The following ZNF732 variants were observed in gnomAD, a reference collection of about 807,000 sequenced individuals.
ZNF732 encodes zinc finger protein LOC654254.
A neutral mutation model predicts 11.5 loss-of-function variants in ZNF732; 12 were observed. The ratio of observed to expected loss-of-function variants is 1.05; its 90% CI spans 0.67 to 1.70. ZNF732 has a LOEUF of 1.70. Ranked by LOEUF, ZNF732 falls within the 40% of genes most tolerant of loss-of-function variation. ZNF732 has a pLI of 0.00. For synonymous variants in ZNF732, 231 were observed against 236.5 expected (o/e 0.98, Z 0.21); for missense variants, 702 against 676.9 (o/e 1.04, Z -0.41).
At chr4:295,386 C>T in intron 3 of ZNF732, 52 bp downstream of exon 3, 7 of 1,452,114 alleles carry the variant, frequency 4.8e-6, no homozygotes, top group Non-Finnish European at 6.6e-6. Flanking sequence ...TAGCTTCCTT[C>T]TGGACCTTGG....
At chr4:301,197 T>C (rs1720110407) in intron 1 of ZNF732, among the ~76,000 whole-genome samples, 1 of 152,060 alleles carries the variant, frequency 6.6e-6, no homozygotes, top group Non-Finnish European at 1.5e-5. Context: ...AGAATGGCGA[T>C]CATTAAAAAG....
intron 3 of ZNF732, among the ~76,000 whole-genome samples, chr4:275,635 T>G (rs1719477604): frequency 6.6e-6 from 1 of 151,814 alleles, no homozygotes; most frequent in African/African-American, 2.4e-5. Flanking sequence ...TCATAATTAT[T>G]GCAGCACTGT....
intron 3 of ZNF732, among the ~76,000 whole-genome samples, chr4:286,891 G>A (rs901310452): frequency 6.6e-6 from 1 of 152,120 alleles, no homozygotes; most frequent in Non-Finnish European, 1.5e-5. Flanking sequence ...TGTGGTTCAC[G>A]CCTGTAATCC....
chr4:282,902 A>G (rs1455015835), intron 3 of ZNF732, among the ~76,000 whole-genome samples: 1 of 152,180 alleles, frequency 6.6e-6, no homozygotes, highest in Non-Finnish European at 1.5e-5. Context: ...AAATTACTAA[A>G]TGGTTAGAAA....
intron 1 of ZNF732, 75 bp downstream of exon 1, chr4:305,233 C>A: frequency 1.3e-6 from 2 of 1,558,094 alleles, no homozygotes; most frequent in Admixed American, 1.8e-5. Context: ...TCGCAGACTC[C>A]GTCCCGCCGC....
chr4:299,638 TTA>T (rs1491050158), intron 1 of ZNF732, among the ~76,000 whole-genome samples: 1 of 142,638 alleles, frequency 7.0e-6, no homozygotes, highest in Admixed American at 7.1e-5. Context: ...TTGTATATAT[TTA>T]TATATTACAT....
At chr4:296,607 C>T (rs1217297302) in intron 1 of ZNF732, among the ~76,000 whole-genome samples, 1 of 152,206 alleles carries the variant, frequency 6.6e-6, no homozygotes, top group Non-Finnish European at 1.5e-5. Context: ...TACTGCAACA[C>T]TGGGCTGAGA....
chr4:293,715 T>C (rs1229861285), intron 3 of ZNF732, among the ~76,000 whole-genome samples: 1 of 152,146 alleles, frequency 6.6e-6, no homozygotes, highest in Non-Finnish European at 1.5e-5. Flanking sequence ...CCAAAAAAAA[T>C]GGTTAGCTAT....
chr4:278,919 A>G (rs1719556822), intron 3 of ZNF732, among the ~76,000 whole-genome samples: 1 of 152,072 alleles, frequency 6.6e-6, no homozygotes, highest in Non-Finnish European at 1.5e-5. Flanking sequence ...GGTAAATGTA[A>G]ATATATATAT....
chr4:294,340 T>A (rs1719902912), intron 3 of ZNF732, among the ~76,000 whole-genome samples: 1 of 152,198 alleles, frequency 6.6e-6, no homozygotes. Context: ...CTTCACTTCG[T>A]TTCCAAGAAT....
Position 296,115 on chromosome 4 carries a change from G to A in ZNF732, c.44C>T (p.Pro15Leu). ...AGGGTCCAGGCATTTCCACTCTTCT[G>A]GAGAGAATTCTATGGCCACATCCCT... ...TFRDVAIEFS[P>L]EEWKCLDPAQ... The change falls in exon 2 of 4, where the codon CCA (proline) becomes CTA (leucine). Residue 15 changes from proline (P) to leucine (L), a missense_variant. By Grantham distance (98) the Pro-to-Leu change is moderately conservative (BLOSUM62 -3). Around this residue, in one of 3 missense-constraint regions of ZNF732, gnomAD observed 596 missense variants for 557.9 expected, o/e 1.07. Coordinates refer to ENST00000419098, the MANE Select transcript of ZNF732 (RefSeq NM_001137608.3). 7 of 1,613,624 alleles carry A rather than the reference G, an allele frequency of 4.3e-6. No individual in the cohort carries two copies. Among genetic ancestry groups the A allele is most frequent in the Non-Finnish European group, 5.9e-6 (7 of 1,179,860 alleles).
chr4:276,661 AAG>A (rs1719503441), intron 3 of ZNF732, among the ~76,000 whole-genome samples: 1 of 151,988 alleles, frequency 6.6e-6, no homozygotes, highest in Non-Finnish European at 1.5e-5. Context: ...AAAAGTGAAA[AAG>A]ACATGAAAAT....
At chr4:299,904 A>G in intron 1 of ZNF732, among the ~76,000 whole-genome samples, 1 of 138,676 alleles carries the variant, frequency 7.2e-6, no homozygotes, top group Admixed American at 7.5e-5. Flanking sequence ...GGGTTTCACC[A>G]TGTTGGCCAG....
intron 1 of ZNF732, among the ~76,000 whole-genome samples, chr4:299,606 T>TTATA (rs1720068927): frequency 7.9e-6 from 1 of 127,198 alleles, no homozygotes; most frequent in African/African-American, 3.3e-5. Flanking sequence ...ATTTATAAAT[T>TTATA]ATTTATATAT....
chr4:289,854 C>T (rs912031013), intron 3 of ZNF732, among the ~76,000 whole-genome samples: 35 of 152,194 alleles, frequency 2.3e-4, no homozygotes, highest in African/African-American at 8.2e-4. Context: ...ACCAGGCCCA[C>T]CTCCATGAGG....
chr4:294,603 T>TG (rs1332756769), intron 3 of ZNF732, among the ~76,000 whole-genome samples: 1 of 152,142 alleles, frequency 6.6e-6, no homozygotes, highest in Non-Finnish European at 1.5e-5. Context: ...TTTAATCCAG[T>TG]GGGGGCCAAA....
At chr4:288,073 G>A (rs1323749367) in intron 3 of ZNF732, among the ~76,000 whole-genome samples, 1 of 151,974 alleles carries the variant, frequency 6.6e-6, no homozygotes, top group African/African-American at 2.4e-5. Flanking sequence ...TTCATCTCTG[G>A]AGAAACATTT....
In ZNF732 at chr4:271,939, G is replaced by A. The variant is rs782008193; in HGVS notation, c.918C>T (p.Tyr306=). The A allele has an allele frequency of 6.2e-7, 1 of 1,609,240 alleles. No individual in the cohort carries two copies. The highest frequency in any genetic ancestry group is 1.7e-5 in the Admixed American group (1 of 59,104). ...HKKIHTGEKL[Y]KCQECGKVFN... ...AGACTTTGCCACATTCCTGACATTT[G>A]TAGAGTTTCTCTCCGGTATGAATTT... Residue 306 remains tyrosine (Y), a synonymous_variant, in exon 4 of 4, where the codon TAC becomes TAT. Transcript: ENST00000419098.
chr4:305,212 G>C, intron 1 of ZNF732, 96 bp downstream of exon 1: 1 of 1,474,716 alleles, frequency 6.8e-7, no homozygotes, highest in East Asian at 2.4e-5. Context: ...CGGCGGCAGC[G>C]GAGACTCCGT....
Sources: gnomAD v4.1 joint callset for allele counts (sites outside exome capture counted in the v4.1 genomes callset) on GRCh38, gnomAD v4.1.1 for gene constraint, gnomAD v4.1.1 regional missense constraint, MANE v1.5 for transcripts, NCBI Gene and HGNC (gene_info 2026-07-23, HGNC 2026-07-21) for gene names.